Variants in PCDHA11 observed in about 807,000 individuals in gnomAD.
PCDHA11 encodes the protein protocadherin alpha-11.
Under a neutral mutation model 70.3 loss-of-function variants are expected in PCDHA11, and 61 were observed. The observed-to-expected ratio is 0.87, with a 90% CI of 0.71 to 1.07. PCDHA11 has a LOEUF of 1.07. Among genes scored for constraint, PCDHA11 ranks in the 50% least tolerant of loss-of-function variants. The pLI is 0.00. For synonymous variants in PCDHA11, 633 were observed against 555.1 expected (o/e 1.14, Z -1.97); for missense variants, 1,324 against 1,237.5 (o/e 1.07, Z -1.05).
chr5:140,884,051 C>T (rs782045843), intron 1 of PCDHA11: 4 of 1,613,308 alleles, frequency 2.5e-6, no homozygotes, highest in Non-Finnish European at 2.5e-6. Context: ...GGCGAAGGTG[C>T]GCGCGGTGGA....
chr5:140,962,047 C>T (rs1288087343), intron 1 of PCDHA11, among the ~76,000 whole-genome samples: 2 of 151,982 alleles, frequency 1.3e-5, no homozygotes, highest in South Asian at 2.1e-4. Context: ...CCATGCCTGG[C>T]TAATTTTTTT....
At chr5:140,967,464 G>T (rs781900904) in intron 1 of PCDHA11, 1 of 1,613,504 alleles carries the variant, frequency 6.2e-7, no homozygotes, top group Non-Finnish European at 8.5e-7. Context: ...GTGGATGGGG[G>T]CATCCCAGCC....
chr5:140,924,944 TA>T (rs11334471), intron 1 of PCDHA11, among the ~76,000 whole-genome samples: 51,245 of 142,818 alleles, frequency 0.36, 9,188 homozygotes, highest in East Asian at 0.56. Flanking sequence ...AATAAAAAGT[TA>T]AAAAAAAAAT....
intron 3 of PCDHA11, among the ~76,000 whole-genome samples, chr5:141,008,075 G>A (rs1002549445): frequency 2.0e-5 from 3 of 152,004 alleles, no homozygotes; most frequent in Non-Finnish European, 1.5e-5. Flanking sequence ...GAACTTATTG[G>A]GGTTATTCTA....
intron 1 of PCDHA11, among the ~76,000 whole-genome samples, chr5:140,938,897 G>A (rs72800999): frequency 0.012 from 1,856 of 151,306 alleles, 24 homozygotes; most frequent in Non-Finnish European, 0.018. Flanking sequence ...ACACAGATGC[G>A]CACACACACA....
At chr5:140,909,170 G>A (rs1381735874) in intron 1 of PCDHA11, among the ~76,000 whole-genome samples, 1 of 152,188 alleles carries the variant, frequency 6.6e-6, no homozygotes, top group Non-Finnish European at 1.5e-5. Flanking sequence ...AATCAATCAA[G>A]TTCTCTCCAA....
intron 1 of PCDHA11, among the ~76,000 whole-genome samples, chr5:140,891,255 A>C (rs1313851741): frequency 6.6e-6 from 1 of 151,868 alleles, no homozygotes; most frequent in Non-Finnish European, 1.5e-5. Context: ...GATTTTTTTT[A>C]ATTTTTAATT....
chr5:140,964,631 T>C (rs1415762552), intron 1 of PCDHA11, among the ~76,000 whole-genome samples: 1 of 152,074 alleles, frequency 6.6e-6, no homozygotes, highest in African/African-American at 2.4e-5. Flanking sequence ...ATAAGCCATT[T>C]ATTTTCAGAA....
At chr5:140,925,545 T>C (rs2082554124) in intron 1 of PCDHA11, among the ~76,000 whole-genome samples, 1 of 151,896 alleles carries the variant, frequency 6.6e-6, no homozygotes, top group Non-Finnish European at 1.5e-5. Flanking sequence ...ATACCTAATG[T>C]AAATGACAAG....
chr5:140,966,848 C>G, intron 1 of PCDHA11: 1 of 1,571,846 alleles, frequency 6.4e-7, no homozygotes, highest in Non-Finnish European at 8.6e-7. Context: ...GCTACTGCCT[C>G]TCCTGCTGCT....
intron 1 of PCDHA11, among the ~76,000 whole-genome samples, chr5:140,880,402 G>A (rs1014801012): frequency 3.9e-5 from 6 of 152,182 alleles, no homozygotes; most frequent in Non-Finnish European, 8.8e-5. Context: ...AGAGCATATG[G>A]TTGACCTTAA....
In PCDHA11 at chr5:140,935,562, C is replaced by T. The variant is rs180759633; in HGVS notation, c.2392-43387C>T. Among the ~76,000 whole-genome samples, 423 of 152,262 alleles carry T rather than the reference C, an allele frequency of 2.8e-3. 2 individuals carry two copies. The highest frequency in any genetic ancestry group is 0.014 in the Middle Eastern group (4 of 294). On this transcript the variant is annotated intron_variant, in intron 1 of 3. Transcript: ENST00000398640. Reference sequence around the variant, plus strand: ...TGTTTTAAAGTATCTTGGAAAAGTTCCTCTCTGTGTAGTTAAGCCACCAGC... The same window carrying T: ...TGTTTTAAAGTATCTTGGAAAAGTTTCTCTCTGTGTAGTTAAGCCACCAGC...
intron 1 of PCDHA11, among the ~76,000 whole-genome samples, chr5:140,941,202 C>CCTTTCTTCCTTTCTTTCTTTCTTTCTTT (rs1394736170): frequency 6.0e-4 from 74 of 122,806 alleles, no homozygotes; most frequent in Middle Eastern, 4.2e-3. Flanking sequence ...TTTCTTTCTT[C>CCTTTCTTCCTTTCTTTCTTTCTTTCTTT]CTTTCTTTCT....
chr5:141,009,132 G>A (rs2098400947), intron 3 of PCDHA11, among the ~76,000 whole-genome samples: 1 of 152,204 alleles, frequency 6.6e-6, no homozygotes, highest in African/African-American at 2.4e-5. Flanking sequence ...GTATCCTGGT[G>A]AAAAAACCTG....
At chr5:140,969,057 T>G in intron 1 of PCDHA11, 2 of 1,614,162 alleles carry the variant, frequency 1.2e-6, no homozygotes, top group Non-Finnish European at 1.7e-6. Context: ...AACAACAATA[T>G]TGATGCCAGG....
intron 1 of PCDHA11, among the ~76,000 whole-genome samples, chr5:140,896,874 A>G (rs1009285499): frequency 1.3e-5 from 2 of 152,102 alleles, no homozygotes; most frequent in Non-Finnish European, 2.9e-5. Flanking sequence ...GTACATATTT[A>G]TGGGGTATAT....
intron 3 of PCDHA11, among the ~76,000 whole-genome samples, chr5:141,002,328 C>T (rs1421788305): frequency 3.3e-5 from 5 of 152,250 alleles, no homozygotes; most frequent in Admixed American, 6.5e-5. Flanking sequence ...GGCCGGGCTG[C>T]ATCCGCACCC....
intron 1 of PCDHA11, chr5:140,882,074 G>C (rs1276421996): frequency 1.1e-6 from 1 of 886,834 alleles, no homozygotes. Context: ...CATGCGCATG[G>C]TGTCGCTCTT....
At chr5:140,899,403 G>A (rs1458189120) in intron 1 of PCDHA11, among the ~76,000 whole-genome samples, 6 of 152,230 alleles carry the variant, frequency 3.9e-5, no homozygotes, top group Admixed American at 1.3e-4. Context: ...AGCATGAAGG[G>A]TTGTTGAATT....
Sources: gnomAD v4.1 joint callset for allele counts (sites outside exome capture counted in the v4.1 genomes callset) on GRCh38, gnomAD v4.1.1 for gene constraint, MANE v1.5 for transcripts, NCBI Gene and HGNC (gene_info 2026-07-23, HGNC 2026-07-21) for gene names.